The following STING1 variants were observed in gnomAD, a reference collection of about 807,000 sequenced individuals.
STING1 encodes stimulator of interferon response cGAMP interactor 1, also known as stimulator of interferon genes protein.
STING1 carries 19 observed loss-of-function variants against 31.6 expected under a neutral mutation model. The ratio of observed to expected loss-of-function variants is 0.60; its 90% CI spans 0.42 to 0.88. The LOEUF (loss-of-function observed/expected upper bound fraction) is 0.88, where lower values mean the gene tolerates loss of function less well. Among genes scored for constraint, STING1 ranks in the 40% least tolerant of loss-of-function variants. The pLI, the probability that STING1 is intolerant of heterozygous loss-of-function variation, is 0.00. For synonymous variants in STING1, 200 were observed against 208.6 expected (o/e 0.96, Z 0.35); for missense variants, 371 against 483.7 (o/e 0.77, Z 2.19).
intron 5 of STING1, 83 bp downstream of exon 5, chr5:139,480,707 C>A: frequency 2.4e-6 from 2 of 839,132 alleles, no homozygotes; most frequent in Non-Finnish European, 2.0e-6. Flanking sequence ...ATAGTGAGTT[C>A]TGTGTGTTTA....
Position 139,482,607 on chromosome 5 carries a change from T to C in STING1, c.-151A>G, listed in dbSNP as rs1751894156. On this transcript the variant is annotated 5_prime_UTR_variant, in exon 1 of 8. Transcript: ENST00000330794. ...CAAGCCACCACGATCAAACACACTG[T>C]ACCTAACACCTGAGCAGGACTCCAC... The C allele has an allele frequency of 6.6e-6, 1 of 152,298 alleles. No homozygotes were observed. Among genetic ancestry groups the C allele is most frequent in the African/African-American group, 2.4e-5 (1 of 41,426 alleles). The allele number at this position is 152,298 out of a possible 1,614,324, so 9.4% of individuals were successfully genotyped here.
intron 5 of STING1, chr5:139,478,759 C>G (rs1751741209): frequency 4.2e-6 from 2 of 476,842 alleles, no homozygotes; most frequent in Non-Finnish European, 7.7e-6. Context: ...CACCCCTTTC[C>G]ACCATGGCTT....
intron 5 of STING1, 21 bp from the exon 6 acceptor site, chr5:139,478,529 A>T: frequency 5.0e-6 from 8 of 1,606,416 alleles, no homozygotes; most frequent in Non-Finnish European, 6.8e-6. Context: ...GAAGCCCAAG[A>T]AGTTATTCCT....
chr5:139,480,782 T>C lies in STING1; in HGVS notation c.520+8A>G. ...GATCGAGAAATGGGGGCAGAGAGGA[T>C]GGCCCACCTGGCAGGATCAGCCGCA... is the stretch of plus-strand genomic sequence containing the variant. On this transcript the variant is annotated splice_region_variant and intron_variant, in intron 5 of 7. Transcript: ENST00000330794. 1 of 1,590,790 alleles carries C rather than the reference T, an allele frequency of 6.3e-7. No homozygotes were observed. Among genetic ancestry groups the C allele is most frequent in the Non-Finnish European group, 8.6e-7 (1 of 1,158,808 alleles).
chr5:139,481,363 C>G lies in STING1; in HGVS notation c.228-21G>C, dbSNP rs1424228219. On this transcript the variant is annotated intron_variant, in intron 3 of 7. Transcript: ENST00000330794. This position sits in a 1 kb window ranked among gnomAD's most constrained non-coding sequence, Gnocchi z 4.1. The stretch of plus-strand genomic sequence containing the variant: ...GGTACCTGTGAGTGACAGCCAGACC[C>G]CAGACCCCAGCCCCCAGCCCAGCTC... 6.3e-7 allele frequency: 1 copy of G among 1,580,788 alleles called. No homozygotes were observed. The highest frequency in any genetic ancestry group is 2.2e-5 in the East Asian group (1 of 44,636).
intron 5 of STING1, among the ~76,000 whole-genome samples, chr5:139,479,849 A>C (rs13187516): frequency 6.1e-5 from 2 of 32,952 alleles, no homozygotes; most frequent in Admixed American, 6.2e-4. Context: ...CTAAAAATAC[A>C]AAAAAAAAAA....
chr5:139,477,586 G>A, intron 6 of STING1, 71 bp from the exon 7 acceptor site: 2 of 1,495,202 alleles, frequency 1.3e-6, no homozygotes, highest in Non-Finnish European at 1.8e-6. Context: ...GTCCAGTCCA[G>A]GCTCTGGCCC....
Position 139,478,179 on chromosome 5 carries a change from G to A in STING1, c.759+91C>T, listed in dbSNP as rs1751717753. ...GCTAGGGACACTACAGCTCAGAGAA[G>A]GGCAGTGAATTTTCATCAGTGCTTG... On this transcript the variant is annotated intron_variant, in intron 6 of 7. Coordinates refer to ENST00000330794, the MANE Select transcript of STING1 (RefSeq NM_198282.4). 5.2e-6 allele frequency: 5 copies of A among 955,478 alleles called. No homozygotes were observed. The Admixed American group carries it at 1.0e-4, about 19-fold the overall frequency. 59.2% of individuals were successfully genotyped at this position (955,478 alleles called of 1,614,324 possible).
intron 7 of STING1, 56 bp downstream of exon 7, chr5:139,477,273 C>T (rs1751690189): frequency 6.3e-7 from 1 of 1,575,144 alleles, no homozygotes; most frequent in Admixed American, 1.7e-5. Context: ...GACCCTGGGA[C>T]CCCTGACTCC....
At chr5:139,476,537 T>A in intron 7 of STING1, 83 bp from the exon 8 acceptor site, 1 of 1,308,462 alleles carries the variant, frequency 7.6e-7, no homozygotes, top group Non-Finnish European at 1.1e-6. Context: ...GCTGGGAAGA[T>A]CCCCTAACCC....
intron 4 of STING1, 52 bp from the exon 5 acceptor site, chr5:139,480,950 A>ACTC (rs756883159): frequency 6.3e-6 from 9 of 1,427,574 alleles, no homozygotes; most frequent in Non-Finnish European, 3.9e-6. Context: ...CACCCAGAGA[A>ACTC]CTCCTCCTCC....
In STING1 at chr5:139,475,889, C is replaced by T. The variant is rs763544000; in HGVS notation, c.*372G>A. ...TACCATTGAGAGAGTTCGGCGTCCCCGGGCAAAGGAAGGGGAGAAGGGTGG... is the reference window on the plus strand; with the variant it reads ...TACCATTGAGAGAGTTCGGCGTCCCTGGGCAAAGGAAGGGGAGAAGGGTGG... On this transcript the variant is annotated 3_prime_UTR_variant, in exon 8 of 8. Transcript: ENST00000330794. The T allele has an allele frequency of 2.4e-5, 4 of 169,566 alleles. No individual in the cohort carries two copies. Among genetic ancestry groups the T allele is most frequent in the Admixed American group, 5.9e-5 (1 of 17,034 alleles). The allele number at this position is 169,566 out of a possible 1,614,324, so 10.5% of individuals were successfully genotyped here.
At position 139,477,559 on chromosome 5, in the gene STING1, C is replaced by A. The variant is rs758111794; in HGVS notation, c.760-44G>T. 4.4e-6 allele frequency: 7 copies of A among 1,584,484 alleles called. No homozygotes were observed. The Middle Eastern group carries it at 6.7e-4, about 152-fold the overall frequency. ...AGACCAGACTAAGCCAGGGGCCAGG[C>A]GGATGGAGAATGGAGGGTCCAGTCC... On this transcript the variant is annotated intron_variant, in intron 6 of 7. Coordinates refer to ENST00000330794, the MANE Select transcript of STING1 (RefSeq NM_198282.4).
At position 139,481,417 on chromosome 5, in the gene STING1, C is replaced by T; in HGVS notation, c.227+61G>A. 1 of 1,591,948 alleles carries T rather than the reference C, an allele frequency of 6.3e-7. No individual in the cohort carries two copies. Among genetic ancestry groups the T allele is most frequent in the Non-Finnish European group, 8.6e-7 (1 of 1,166,412 alleles). The stretch of plus-strand genomic sequence containing the variant: ...CAGAGAGGTTCAAGGAGGGGCAGGG[C>T]TAGGCATCAAGGGAGTGACACACGT... On this transcript the variant is annotated intron_variant, in intron 3 of 7. Transcript: ENST00000330794. This position sits in a 1 kb window ranked among gnomAD's most constrained non-coding sequence, Gnocchi z 4.1.
At position 139,476,128 on chromosome 5, in the gene STING1, T is replaced by C; in HGVS notation, c.*133A>G. The stretch of plus-strand genomic sequence containing the variant: ...AGGGGACAAGACGCATCTTAAGATG[T>C]CAAGTCCTGGACCCTTCCCTGCAAG... On this transcript the variant is annotated 3_prime_UTR_variant, in exon 8 of 8. Coordinates refer to ENST00000330794, the MANE Select transcript of STING1 (RefSeq NM_198282.4). The C allele has an allele frequency of 1.5e-6, 1 of 675,750 alleles. No homozygotes were observed. Among genetic ancestry groups the C allele is most frequent in the South Asian group, 2.1e-5 (1 of 47,144 alleles). 41.9% of individuals were successfully genotyped at this position (675,750 alleles called of 1,614,324 possible).
rs142365260 is a variant in STING1, at chr5:139,475,883, C to T, written c.*378G>A. 1.4e-3 allele frequency: 243 copies of T among 167,910 alleles called. 2 individuals are homozygous for T. Among genetic ancestry groups the T allele is most frequent in the African/African-American group, 5.4e-3 (226 of 42,098 alleles). The allele number at this position is 167,910 out of a possible 1,614,324, so 10.4% of individuals were successfully genotyped here. On this transcript the variant is annotated 3_prime_UTR_variant, in exon 8 of 8. Transcript: ENST00000330794. ...TGTTGATACCATTGAGAGAGTTCGG[C>T]GTCCCCGGGCAAAGGAAGGGGAGAA...
chr5:139,481,240 T>C lies in STING1; in HGVS notation c.330A>G (p.Pro110=). 6.2e-7 allele frequency: 1 copy of C among 1,614,088 alleles called. No homozygotes were observed. Among genetic ancestry groups the C allele is most frequent in the Non-Finnish European group, 8.5e-7 (1 of 1,180,010 alleles). The change falls in exon 4 of 8, where the codon CCA becomes CCG. Residue 110 remains proline (P), a synonymous_variant. Coordinates refer to ENST00000330794, the MANE Select transcript of STING1 (RefSeq NM_198282.4). The surrounding 1 kb of genome is among the most constrained non-coding windows in gnomAD (Gnocchi z 4.1). ...AAGTGAAGGGCGGGCCGACCGCATT[T>C]GGGAGGGAGTAGTAGAAATAGATGG... The part of the protein sequence containing the change: ...LLSIYFYYSL[P]NAVGPPFTWM...
intron 7 of STING1, among the ~76,000 whole-genome samples, chr5:139,476,904 C>CAAAA (rs33961341): frequency 1.1e-4 from 13 of 118,420 alleles, no homozygotes; most frequent in African/African-American, 4.5e-4. Flanking sequence ...GACTCCATCT[C>CAAAA]AAAAAAAAAA....
chr5:139,480,760 C>T (rs576766239), intron 5 of STING1, 30 bp downstream of exon 5: 4 of 1,412,864 alleles, frequency 2.8e-6, no homozygotes, highest in East Asian at 2.3e-5. Flanking sequence ...TTTTGTAGAT[C>T]GAGAAATGGG....
Sources: allele counts gnomAD v4.1 joint callset (sites outside exome capture counted in the v4.1 genomes callset), GRCh38; gene constraint gnomAD v4.1.1; non-coding constraint Gnocchi (gnomAD v3.1); transcripts MANE v1.5; gene names NCBI Gene and HGNC (gene_info 2026-07-23, HGNC 2026-07-21).